Variants in HNRNPLL observed in about 807,000 individuals in gnomAD.
HNRNPLL encodes heterogeneous nuclear ribonucleoprotein L-like.
In HNRNPLL, 25 loss-of-function variants were observed where a neutral mutation model predicts 67.1. That is an observed-to-expected ratio of 0.37 (90% CI 0.27 to 0.52). HNRNPLL has a LOEUF of 0.52. HNRNPLL is among the 20% of genes least tolerant of loss of function. The pLI is 0.90. For synonymous variants in HNRNPLL, 267 were observed against 241.7 expected (o/e 1.10, Z -0.97); for missense variants, 542 against 673.9 (o/e 0.80, Z 2.17).
chr2:38,574,387 C>T (rs1184113791), intron 7 of HNRNPLL, among the ~76,000 whole-genome samples: 2 of 151,722 alleles, frequency 1.3e-5, no homozygotes, highest in Non-Finnish European at 3.0e-5. Flanking sequence ...CTTAGATGCT[C>T]CTAATAATAA....
chr2:38,575,282 A>T (rs1666257921), intron 7 of HNRNPLL, among the ~76,000 whole-genome samples: 1 of 151,880 alleles, frequency 6.6e-6, no homozygotes, highest in South Asian at 2.1e-4. Context: ...TAAATTGATA[A>T]TAGAAAGTCT....
chr2:38,569,088 T>C (rs370130071), intron 10 of HNRNPLL, 45 bp downstream of exon 10: 12 of 1,331,240 alleles, frequency 9.0e-6, no homozygotes, highest in East Asian at 6.9e-5. Flanking sequence ...GATTTTAAAA[T>C]AGGAAATAGC....
At chr2:38,575,377 G>C (rs1446264107) in intron 7 of HNRNPLL, among the ~76,000 whole-genome samples, 4 of 151,676 alleles carry the variant, frequency 2.6e-5, no homozygotes, top group African/African-American at 9.7e-5. Context: ...CATCTTGAAG[G>C]CATTTTTCAT....
At chr2:38,577,277 T>A (rs1409224648) in intron 7 of HNRNPLL, among the ~76,000 whole-genome samples, 184 bp downstream of exon 7, 3 of 151,918 alleles carry the variant, frequency 2.0e-5, no homozygotes, top group Admixed American at 6.6e-5. Flanking sequence ...GGATTTTTTT[T>A]AAATCATTAT....
At position 38,581,977 on chromosome 2, in the gene HNRNPLL, A is replaced by G. The variant is rs1270072737; in HGVS notation, c.738T>C (p.Arg246=). The G allele has an allele frequency of 6.2e-7, 1 of 1,611,720 alleles. No individual in the cohort carries two copies. Residue 246 remains arginine (R), a synonymous_variant, in exon 6 of 13, where the codon CGT becomes CGC. Coordinates refer to ENST00000449105, the MANE Select transcript of HNRNPLL (RefSeq NM_138394.4). ...CATTGTCATTCCTAATAACATTTAG[A>G]CGAGTTGGCTGTTAAGATTGAAAAT... The part of the protein sequence containing the change: ...TLKIEYARPT[R]LNVIRNDNDS...
In HNRNPLL at chr2:38,602,916, C is replaced by G; in HGVS notation, c.-290G>C. The G allele has an allele frequency of 1.3e-6, 2 of 1,520,726 alleles. No individual in the cohort carries two copies. Among genetic ancestry groups the G allele is most frequent in the Non-Finnish European group, 1.8e-6 (2 of 1,120,924 alleles). The allele number at this position is 1,520,726 out of a possible 1,614,324, so 94.2% of individuals were successfully genotyped here. ...CGTCTCCGCTCCCTGCCCGGAGGAG[C>G]GAATCTAAGGATGGGGACGCAACCG... On this transcript the variant is annotated 5_prime_UTR_variant, in exon 1 of 13. Coordinates refer to ENST00000449105, the MANE Select transcript of HNRNPLL (RefSeq NM_138394.4).
At chr2:38,587,965 TCTCTC>T (rs913301941) in intron 2 of HNRNPLL, among the ~76,000 whole-genome samples, 7 of 152,176 alleles carry the variant, frequency 4.6e-5, no homozygotes, top group African/African-American at 1.4e-4. Context: ...GTGCGCGCTC[TCTCTC>T]CTCTCTTTTT....
chr2:38,569,055 G>T lies in HNRNPLL; in HGVS notation c.1416+78C>A, dbSNP rs1451133169. The T allele has an allele frequency of 4.0e-6, 4 of 1,012,314 alleles. No individual in the cohort carries two copies. The South Asian group carries it at 4.0e-5, about 10-fold the overall frequency. 62.7% of individuals were successfully genotyped at this position (1,012,314 alleles called of 1,614,324 possible). A position where few individuals can be genotyped will look rare whatever the true frequency, so the allele number is the denominator to read the frequency against. On this transcript the variant is annotated intron_variant, in intron 10 of 12. Transcript: ENST00000449105. ...TCAAAAGCAAAAGAATGAGCAAAACGACTTCAAAATGAAGCTAAAACAGAT... is the reference window on the plus strand; with the variant it reads ...TCAAAAGCAAAAGAATGAGCAAAACTACTTCAAAATGAAGCTAAAACAGAT...
intron 2 of HNRNPLL, among the ~76,000 whole-genome samples, chr2:38,588,485 G>A (rs1431122895): frequency 6.9e-6 from 1 of 144,180 alleles, no homozygotes; most frequent in African/African-American, 2.7e-5. Context: ...GAGGGCAGAG[G>A]TTGCAGTGAG....
intron 5 of HNRNPLL, 43 bp downstream of exon 5, chr2:38,582,029 A>T (rs759695467): frequency 6.3e-7 from 1 of 1,598,324 alleles, no homozygotes; most frequent in Non-Finnish European, 8.6e-7. Context: ...GCATATCCAA[A>T]GCATAAATAT....
At chr2:38,601,408 T>A (rs556501274) in intron 1 of HNRNPLL, among the ~76,000 whole-genome samples, 2 of 152,356 alleles carry the variant, frequency 1.3e-5, no homozygotes, top group Admixed American at 1.3e-4. Flanking sequence ...AGGATATATG[T>A]GTACAGTTTC....
chr2:38,569,159 A>G lies in HNRNPLL; in HGVS notation c.1390T>C (p.Cys464Arg), dbSNP rs759947677. Residue 464 changes from cysteine to arginine, a missense_variant, in exon 10 of 13, where the codon TGT becomes CGT. By Grantham distance (180) the Cys-to-Arg change is radical. Around this residue, in one of 2 missense-constraint regions of HNRNPLL, gnomAD observed 415 missense variants for 575.2 expected, o/e 0.72. Coordinates refer to ENST00000449105, the MANE Select transcript of HNRNPLL (RefSeq NM_138394.4). ...TTTGTGAAGGTCTCTTCTGTGACAC[A>G]CAATGGAACATTATAATAATGCAAA... is the stretch of plus-strand genomic sequence containing the variant. ...CVLHYYNVPL[C>R]VTEETFTKLC... 1 of 1,611,750 alleles carries G rather than the reference A, an allele frequency of 6.2e-7. No homozygotes were observed. Among genetic ancestry groups the G allele is most frequent in the Non-Finnish European group, 8.5e-7 (1 of 1,177,872 alleles).
chr2:38,568,504 A>G (rs1209827541), intron 10 of HNRNPLL, 61 bp from the exon 11 acceptor site: 2 of 1,122,256 alleles, frequency 1.8e-6, no homozygotes, highest in Non-Finnish European at 2.6e-6. Context: ...ACTTTTTTAC[A>G]GAAAGTAAAC....
chr2:38,583,751 G>A, intron 4 of HNRNPLL, 90 bp downstream of exon 4: 1 of 550,114 alleles, frequency 1.8e-6, no homozygotes, highest in Middle Eastern at 4.4e-4. Flanking sequence ...AGAGGACAAA[G>A]TAAACACCAC....
intron 7 of HNRNPLL, among the ~76,000 whole-genome samples, chr2:38,575,032 T>C (rs923953895): frequency 2.0e-5 from 3 of 151,784 alleles, no homozygotes; most frequent in Non-Finnish European, 4.4e-5. Flanking sequence ...TTCATGGAAG[T>C]AGAAAGACAC....
At chr2:38,573,066 T>C in intron 8 of HNRNPLL, 144 bp downstream of exon 8, 1 of 626,254 alleles carries the variant, frequency 1.6e-6, no homozygotes, top group East Asian at 2.9e-5. Flanking sequence ...CCAGAGTTCC[T>C]ATATAATAGA....
intron 4 of HNRNPLL, among the ~76,000 whole-genome samples, chr2:38,582,517 G>A (rs1666570064): frequency 6.6e-6 from 1 of 152,052 alleles, no homozygotes; most frequent in Non-Finnish European, 1.5e-5. Flanking sequence ...TCACCATGTT[G>A]ACCAGGATTG....
chr2:38,573,889 A>T (rs1437062718), intron 7 of HNRNPLL, among the ~76,000 whole-genome samples: 1 of 151,914 alleles, frequency 6.6e-6, no homozygotes. Context: ...TCCACTGAAA[A>T]GTTGTTTCCT....
chr2:38,568,480 C>T (rs1246743964), intron 10 of HNRNPLL, 37 bp from the exon 11 acceptor site: 15 of 1,354,336 alleles, frequency 1.1e-5, no homozygotes, highest in Non-Finnish European at 1.5e-5. Flanking sequence ...AAAATATAGC[C>T]AAAATAATAT....
Sources: allele counts gnomAD v4.1 joint callset (sites outside exome capture counted in the v4.1 genomes callset), GRCh38; gene constraint gnomAD v4.1.1; regional missense constraint gnomAD v4.1.1; transcripts MANE v1.5; gene names NCBI Gene and HGNC (gene_info 2026-07-23, HGNC 2026-07-21).